The following NKAIN2 variants were observed in gnomAD, a reference collection of about 807,000 sequenced individuals.
The protein encoded by NKAIN2 is sodium/potassium transporting ATPase interacting 2.
NKAIN2 carries 14 observed loss-of-function variants against 32.6 expected under a neutral mutation model. That is an observed-to-expected ratio of 0.43 (90% confidence interval 0.28 to 0.67). The LOEUF (loss-of-function observed/expected upper bound fraction) is 0.67, where lower values mean the gene tolerates loss of function less well. Ranked by LOEUF, NKAIN2 falls within the 30% of genes least tolerant of loss-of-function variation. The pLI is 0.17. For missense variants in NKAIN2, 198 were observed against 258.3 expected, an observed-to-expected ratio of 0.77 and a Z score of 1.60; for synonymous variants, 80 against 87.2, an observed-to-expected ratio of 0.92 and a Z score of 0.46.
At chr6:124,168,573 G>T (rs1489603165) in intron 1 of NKAIN2, among the ~76,000 whole-genome samples, 1 of 150,928 alleles carries the variant, frequency 6.6e-6, no homozygotes, top group Non-Finnish European at 1.5e-5. Flanking sequence ...TGTGTGTGTG[G>T]TCTACACACT....
At chr6:124,625,688 G>T (rs1358432930) in intron 3 of NKAIN2, among the ~76,000 whole-genome samples, 1 of 121,070 alleles carries the variant, frequency 8.3e-6, no homozygotes, top group Non-Finnish European at 1.8e-5. Flanking sequence ...CACCTACTTT[G>T]TGCTGAAGAT....
intron 1 of NKAIN2, among the ~76,000 whole-genome samples, chr6:123,973,797 T>G (rs1024359646): frequency 6.6e-6 from 1 of 152,128 alleles, no homozygotes. Flanking sequence ...AAAAAAGATT[T>G]GAAGAATTGC....
At chr6:123,823,051 A>G (rs932503226) in intron 1 of NKAIN2, among the ~76,000 whole-genome samples, 1 of 152,190 alleles carries the variant, frequency 6.6e-6, no homozygotes, top group Admixed American at 6.6e-5. Flanking sequence ...AAAACAGAGG[A>G]CCAATTCAAA....
At chr6:124,152,747 G>T (rs548989614) in intron 1 of NKAIN2, among the ~76,000 whole-genome samples, 1 of 151,882 alleles carries the variant, frequency 6.6e-6, no homozygotes, top group Admixed American at 6.6e-5. Context: ...CAAGATAGGG[G>T]CTCAACCTAA....
At chr6:124,632,454 G>GAAAT (rs1783607309) in intron 3 of NKAIN2, among the ~76,000 whole-genome samples, 1 of 150,878 alleles carries the variant, frequency 6.6e-6, no homozygotes, top group Non-Finnish European at 1.5e-5. Context: ...CCATTGCAAC[G>GAAAT]AAATGATTGA....
chr6:124,690,478 AAAG>A (rs533810472), intron 4 of NKAIN2, among the ~76,000 whole-genome samples: 3 of 152,130 alleles, frequency 2.0e-5, no homozygotes, highest in Non-Finnish European at 4.4e-5. Context: ...AAAATGTTGA[AAAG>A]AAGTGTTGAA....
intron 3 of NKAIN2, among the ~76,000 whole-genome samples, chr6:124,518,276 C>A (rs1778992500): frequency 7.7e-6 from 1 of 130,518 alleles, no homozygotes; most frequent in African/African-American, 2.9e-5. Flanking sequence ...CAGTAGTAAT[C>A]AGTGCTGATT....
chr6:123,909,756 G>C (rs1029540140), intron 1 of NKAIN2, among the ~76,000 whole-genome samples: 2 of 152,206 alleles, frequency 1.3e-5, no homozygotes, highest in East Asian at 3.9e-4. Flanking sequence ...TTATCACAGA[G>C]TACAAAGAAA....
At chr6:124,540,050 A>G (rs981374194) in intron 3 of NKAIN2, among the ~76,000 whole-genome samples, 4 of 152,242 alleles carry the variant, frequency 2.6e-5, no homozygotes, top group African/African-American at 7.2e-5. Flanking sequence ...AAAGTTTTAA[A>G]ATATTTATGC....
At chr6:124,558,519 G>A (rs1274005178) in intron 3 of NKAIN2, among the ~76,000 whole-genome samples, 1 of 152,116 alleles carries the variant, frequency 6.6e-6, no homozygotes, top group Non-Finnish European at 1.5e-5. Context: ...ATGTTGATAA[G>A]GTAACACTCC....
intron 1 of NKAIN2, among the ~76,000 whole-genome samples, chr6:123,887,256 T>G (rs1023266882): frequency 2.6e-5 from 4 of 152,136 alleles, no homozygotes; most frequent in Non-Finnish European, 5.9e-5. Context: ...ATTTGTGACA[T>G]CTAGTGGAAA....
chr6:124,117,445 G>GT (rs1481884174), intron 1 of NKAIN2, among the ~76,000 whole-genome samples: 1 of 152,152 alleles, frequency 6.6e-6, no homozygotes, highest in Non-Finnish European at 1.5e-5. Flanking sequence ...GCATCTGCCT[G>GT]TGTTCTACTC....
chr6:124,366,512 A>C (rs548738115), intron 3 of NKAIN2, among the ~76,000 whole-genome samples: 20 of 152,278 alleles, frequency 1.3e-4, no homozygotes, highest in Non-Finnish European at 2.2e-4. Context: ...ATGTTTAGGA[A>C]TGTTATACTA....
intron 1 of NKAIN2, among the ~76,000 whole-genome samples, chr6:123,976,378 T>TATATATA (rs1778623578): frequency 3.5e-5 from 1 of 28,872 alleles, no homozygotes; most frequent in Admixed American, 2.9e-4. Flanking sequence ...TTCCCATATA[T>TATATATA]ATATATATAT....
intron 6 of NKAIN2, among the ~76,000 whole-genome samples, chr6:124,820,039 C>T (rs545331820): frequency 6.6e-6 from 1 of 152,246 alleles, no homozygotes; most frequent in Admixed American, 6.5e-5. Flanking sequence ...CTTTATGAAA[C>T]ATTTGTTAAT....
chr6:124,698,203 G>A (rs1296006932), intron 4 of NKAIN2, among the ~76,000 whole-genome samples: 1 of 152,204 alleles, frequency 6.6e-6, no homozygotes, highest in Non-Finnish European at 1.5e-5. Context: ...CCAGTTTGCA[G>A]TGTGGGCACT....
At chr6:124,333,461 A>T (rs1797745170) in intron 2 of NKAIN2, among the ~76,000 whole-genome samples, 1 of 152,042 alleles carries the variant, frequency 6.6e-6, no homozygotes, top group Admixed American at 6.6e-5. Context: ...GGAGTTGGAG[A>T]CCAGCCTGGC....
In NKAIN2 at chr6:124,193,347, A is replaced by G. The variant is rs113174083; in HGVS notation, c.55-89658A>G. Among the ~76,000 whole-genome samples the G allele has an allele frequency of 5.2e-3, 785 of 152,296 alleles. 6 individuals are homozygous for G. Among genetic ancestry groups the G allele is most frequent in the African/African-American group, 0.018 (740 of 41,580 alleles). ...TGTGGTCTGGCCACTGCCCATAGCC[A>G]GGTATGCTGGCTGCAGCAGGGCAGG... On this transcript the variant is annotated intron_variant, in intron 1 of 6. Transcript: ENST00000368417.
At chr6:124,463,777 C>A (rs937374033) in intron 3 of NKAIN2, among the ~76,000 whole-genome samples, 1 of 151,956 alleles carries the variant, frequency 6.6e-6, no homozygotes, top group South Asian at 2.1e-4. Flanking sequence ...TTAAAGATTG[C>A]TTTGTGTTTT....
Sources: gnomAD v4.1 joint callset for allele counts (sites outside exome capture counted in the v4.1 genomes callset) on GRCh38, gnomAD v4.1.1 for gene constraint, MANE v1.5 for transcripts, NCBI Gene and HGNC (gene_info 2026-07-23, HGNC 2026-07-21) for gene names.